The following ARHGAP18 variants were observed in gnomAD, a reference collection of about 807,000 sequenced individuals.
ARHGAP18 encodes rho GTPase-activating protein 18.
A neutral mutation model predicts 86.2 loss-of-function variants in ARHGAP18; 67 were observed. That is an observed-to-expected ratio of 0.78 (90% CI 0.64 to 0.95). The LOEUF (loss-of-function observed/expected upper bound fraction) is 0.95. ARHGAP18 is among the 40% of genes least tolerant of loss of function. The pLI is 0.00. For synonymous variants in ARHGAP18, 283 were observed against 280.4 expected (o/e 1.01, Z -0.09); for missense variants, 691 against 780.4 (o/e 0.89, Z 1.37).
chr6:129,578,187 G>A lies in ARHGAP18; in HGVS notation c.*326C>T, dbSNP rs1788217878. On this transcript the variant is annotated 3_prime_UTR_variant, in exon 15 of 15. Coordinates refer to ENST00000368149, the MANE Select transcript of ARHGAP18 (RefSeq NM_033515.3). ...TATATGATTTTAGGAGAAAAGAATG[G>A]GAAGAGAAGACATTTCCACATATTA... is the stretch of plus-strand genomic sequence containing the variant. 1 of 153,896 alleles carries A rather than the reference G, an allele frequency of 6.5e-6. No homozygotes were observed. The highest frequency in any genetic ancestry group is 3.2e-3 in the Middle Eastern group (1 of 310). 9.5% of individuals were successfully genotyped at this position (153,896 alleles called of 1,614,324 possible). A position where few individuals can be genotyped will look rare whatever the true frequency, so the allele number is the denominator to read the frequency against.
chr6:129,698,812 C>T (rs919988121), intron 1 of ARHGAP18, among the ~76,000 whole-genome samples: 2 of 151,924 alleles, frequency 1.3e-5, no homozygotes, highest in East Asian at 3.9e-4. Flanking sequence ...CCTGCCTCAG[C>T]CTCCCGAGTA....
Position 129,616,202 on chromosome 6 carries a change from G to A in ARHGAP18, c.1044+10C>T. On this transcript the variant is annotated intron_variant, in intron 7 of 14. Transcript: ENST00000368149. ...GTTCTCTCTATGCTGACCAATCCAAGCCTACCTACTTTTTGAAAGATCAAG... is the reference window on the plus strand; with the variant it reads ...GTTCTCTCTATGCTGACCAATCCAAACCTACCTACTTTTTGAAAGATCAAG... 2 of 1,602,276 alleles carry A rather than the reference G, an allele frequency of 1.2e-6. No homozygotes were observed. The highest frequency in any genetic ancestry group is 1.1e-5 in the South Asian group (1 of 88,848).
At chr6:129,659,740 G>T (rs1773912723) in intron 1 of ARHGAP18, among the ~76,000 whole-genome samples, 1 of 152,216 alleles carries the variant, frequency 6.6e-6, no homozygotes, top group Non-Finnish European at 1.5e-5. Flanking sequence ...GAGCCACCAT[G>T]CCCGGCCTGG....
At position 129,710,103 on chromosome 6, in the gene ARHGAP18, G is replaced by C. The variant is rs756872004; in HGVS notation, c.34C>G (p.Leu12Val). The change falls in exon 1 of 15, where the codon CTA (leucine) becomes GTA (valine). Residue 12 changes from leucine (L) to valine (V), a missense_variant. By Grantham distance (32) the Leu-to-Val change is conservative (BLOSUM62 1). Transcript: ENST00000368149. The stretch of plus-strand genomic sequence containing the variant: ...TTGCCGCTGGGGTGGTAGGCTGTTA[G>C]TACCACTCCCTGGGAACTGGAGAGC... ...SWLSSSQGVV[L>V]TAYHPSGKDQ... The C allele has an allele frequency of 1.2e-6, 2 of 1,614,012 alleles. No homozygotes were observed. The highest frequency in any genetic ancestry group is 8.5e-7 in the Non-Finnish European group (1 of 1,179,902).
chr6:129,623,382 T>C (rs1048280410), intron 5 of ARHGAP18, among the ~76,000 whole-genome samples: 2 of 152,298 alleles, frequency 1.3e-5, no homozygotes, highest in African/African-American at 2.4e-5. Context: ...AGATATAACA[T>C]GTATACACTA....
intron 7 of ARHGAP18, among the ~76,000 whole-genome samples, 162 bp from the exon 8 acceptor site, chr6:129,611,772 A>G (rs984400268): frequency 2.6e-4 from 40 of 152,266 alleles, no homozygotes; most frequent in African/African-American, 8.4e-4. Context: ...CTTCAAAACA[A>G]TAAGTCCAGA....
chr6:129,629,245 CTCTA>C (rs1055739425), intron 5 of ARHGAP18, 104 bp downstream of exon 5: 284 of 882,116 alleles, frequency 3.2e-4, no homozygotes, highest in South Asian at 4.8e-4. Flanking sequence ...CTCTCTCTCT[CTCTA>C]TATATATATA....
At chr6:129,617,000 A>G (rs1789112549) in intron 6 of ARHGAP18, among the ~76,000 whole-genome samples, 1 of 152,214 alleles carries the variant, frequency 6.6e-6, no homozygotes. Flanking sequence ...CATATTAAAT[A>G]GACATTGAAC....
At chr6:129,627,954 A>G (rs950609026) in intron 5 of ARHGAP18, among the ~76,000 whole-genome samples, 3 of 152,148 alleles carry the variant, frequency 2.0e-5, no homozygotes, top group African/African-American at 7.2e-5. Context: ...TATAATTCAG[A>G]GATGTATTTC....
intron 1 of ARHGAP18, among the ~76,000 whole-genome samples, chr6:129,691,058 T>C (rs1774519169): frequency 6.6e-6 from 1 of 152,216 alleles, no homozygotes; most frequent in South Asian, 2.1e-4. Context: ...ATACAATGCA[T>C]GTAATATTAT....
intron 1 of ARHGAP18, among the ~76,000 whole-genome samples, chr6:129,704,085 C>T (rs1774764537): frequency 6.7e-6 from 1 of 149,810 alleles, no homozygotes; most frequent in Non-Finnish European, 1.5e-5. Flanking sequence ...TGTAAAAACA[C>T]TGAACTAATC....
intron 8 of ARHGAP18, among the ~76,000 whole-genome samples, chr6:129,608,872 T>C (rs1788914638): frequency 6.6e-6 from 1 of 152,144 alleles, no homozygotes. Context: ...ATTACCACAT[T>C]TTCTCTTCCT....
chr6:129,662,577 G>A (rs1490384606), intron 1 of ARHGAP18, among the ~76,000 whole-genome samples: 1 of 152,184 alleles, frequency 6.6e-6, no homozygotes, highest in Non-Finnish European at 1.5e-5. Context: ...GGCCTCCTTC[G>A]AGTGATACTG....
At position 129,605,727 on chromosome 6, in the gene ARHGAP18, G is replaced by A. The variant is rs531785206; in HGVS notation, c.1365+150C>T. The A allele has an allele frequency of 2.5e-4, 163 of 651,892 alleles. 1 individual carries two copies. The South Asian group carries it at 3.4e-3, about 14-fold the overall frequency. The allele number at this position is 651,892 out of a possible 1,614,324, so 40.4% of individuals were successfully genotyped here. ...ATAACAACCTCATAAAGAGTTAAAG[G>A]CTTTCACCCTCTGTCCTTAAAAGTA... On this transcript the variant is annotated intron_variant, in intron 10 of 14. Transcript: ENST00000368149.
intron 12 of ARHGAP18, among the ~76,000 whole-genome samples, chr6:129,597,060 T>C (rs529810928): frequency 1.4e-4 from 21 of 152,324 alleles, no homozygotes; most frequent in Admixed American, 1.3e-3. Flanking sequence ...CTTGCACCTC[T>C]ACTTGTTCTG....
chr6:129,696,378 G>A (rs994320179), intron 1 of ARHGAP18, among the ~76,000 whole-genome samples: 5 of 152,128 alleles, frequency 3.3e-5, no homozygotes, highest in Admixed American at 2.0e-4. Context: ...AGAGTGTCTC[G>A]TTTCTCAGTA....
At chr6:129,672,889 G>A (rs1774164384) in intron 1 of ARHGAP18, among the ~76,000 whole-genome samples, 1 of 152,332 alleles carries the variant, frequency 6.6e-6, no homozygotes, top group South Asian at 2.1e-4. Context: ...AACAACGACA[G>A]ACTTTCAGAG....
chr6:129,671,957 A>G (rs932304150), intron 1 of ARHGAP18, among the ~76,000 whole-genome samples: 1 of 152,130 alleles, frequency 6.6e-6, no homozygotes, highest in African/African-American at 2.4e-5. Context: ...GTACTGATCT[A>G]GTTCACCCCA....
Position 129,576,456 on chromosome 6 carries a change from G to A in ARHGAP18, c.*2057C>T, listed in dbSNP as rs1490861269. The A allele has an allele frequency of 6.6e-6, 1 of 152,164 alleles. No individual in the cohort carries two copies. Among genetic ancestry groups the A allele is most frequent in the African/African-American group, 2.4e-5 (1 of 41,432 alleles). The allele number at this position is 152,164 out of a possible 1,614,324, so 9.4% of individuals were successfully genotyped here. ...AATCTGGAAAACAGAGCAAGACCCTGTCTCTAAAAAATTTGAGATTTTTTA... is the reference window on the plus strand; with the variant it reads ...AATCTGGAAAACAGAGCAAGACCCTATCTCTAAAAAATTTGAGATTTTTTA... On this transcript the variant is annotated 3_prime_UTR_variant, in exon 15 of 15. Coordinates refer to ENST00000368149, the MANE Select transcript of ARHGAP18 (RefSeq NM_033515.3).
Sources: allele counts gnomAD v4.1 joint callset (sites outside exome capture counted in the v4.1 genomes callset), GRCh38; gene constraint gnomAD v4.1.1; transcripts MANE v1.5; gene names NCBI Gene and HGNC (gene_info 2026-07-23, HGNC 2026-07-21).